Variants in NAALADL2 observed in about 807,000 individuals in gnomAD.
NAALADL2 encodes the protein N-acetylated alpha-linked acidic dipeptidase like 2.
In NAALADL2, 76 loss-of-function variants were observed where a neutral mutation model predicts 87.2. The observed-to-expected ratio is 0.87, with a 90% CI of 0.72 to 1.05. NAALADL2 has a LOEUF of 1.05. Among genes scored for constraint, NAALADL2 ranks in the 50% least tolerant of loss-of-function variants. NAALADL2 has a pLI of 0.00. For synonymous variants in NAALADL2, 354 were observed against 331.0 expected (o/e 1.07, Z -0.75); for missense variants, 1,089 against 945.8 (o/e 1.15, Z -1.99).
At chr3:175,084,586 A>G (rs1718505227) in intron 1 of NAALADL2, among the ~76,000 whole-genome samples, 3 of 152,178 alleles carry the variant, frequency 2.0e-5, no homozygotes, top group Admixed American at 2.0e-4. Context: ...CTGCTTAAGA[A>G]CCATCACATT....
rs150199958 is a variant in NAALADL2, at chr3:175,605,322, A to T, written c.1801-21969A>T. Among the ~76,000 whole-genome samples the T allele has an allele frequency of 7.3e-4, 111 of 152,260 alleles. 1 individual carries two copies. Among genetic ancestry groups the T allele is most frequent in the Non-Finnish European group, 1.4e-3 (95 of 68,024 alleles). ...TTTTAGTTAATGTTTGCTCAAATCTACATATGTTTTCTAAGCTTTTATTTC... is the reference window on the plus strand; with the variant it reads ...TTTTAGTTAATGTTTGCTCAAATCTTCATATGTTTTCTAAGCTTTTATTTC... On this transcript the variant is annotated intron_variant, in intron 10 of 13. Transcript: ENST00000454872.
intron 5 of NAALADL2, among the ~76,000 whole-genome samples, chr3:175,405,537 A>G (rs865920005): frequency 1.3e-5 from 2 of 152,142 alleles, no homozygotes; most frequent in Non-Finnish European, 2.9e-5. Context: ...AACTTTGCAG[A>G]CTTTCTTTTG....
intron 1 of NAALADL2, among the ~76,000 whole-genome samples, chr3:174,984,645 A>G (rs538961510): frequency 2.0e-5 from 3 of 151,538 alleles, no homozygotes; most frequent in African/African-American, 4.8e-5. Flanking sequence ...ATTGATATCA[A>G]TTTTTTTTTC....
rs369385138 is a variant in NAALADL2 at position 174,578,294 on chromosome 3, C to T, written c.-115+27657C>T. 2.6e-4 allele frequency among the ~76,000 whole-genome samples: 39 copies of T among 151,864 alleles called. No homozygotes were observed. The East Asian group carries it at 5.4e-3, about 21-fold the overall frequency. On this transcript the variant is annotated intron_variant, in intron 2 of 3. Coordinates refer to the NAALADL2 transcript ENST00000434257. Reference sequence around the variant, plus strand: ...ATCCACAAATTTTAGGAAAACAAAACACGATAAATATAAAGAATACCATAC... The same window carrying T: ...ATCCACAAATTTTAGGAAAACAAAATACGATAAATATAAAGAATACCATAC...
intron 1 of NAALADL2, among the ~76,000 whole-genome samples, chr3:174,537,916 A>G (rs1417765843): frequency 2.0e-5 from 3 of 152,186 alleles, no homozygotes; most frequent in Non-Finnish European, 4.4e-5. Flanking sequence ...TCACAGCTAT[A>G]TAAATGGAAT....
At chr3:175,423,053 T>TATA (rs1366026397) in intron 5 of NAALADL2, among the ~76,000 whole-genome samples, 16 of 95,596 alleles carry the variant, frequency 1.7e-4, no homozygotes, top group Admixed American at 1.1e-3. Flanking sequence ...ATATATATAT[T>TATA]TTTTTTTTTT....
intron 1 of NAALADL2, among the ~76,000 whole-genome samples, chr3:174,956,924 C>CT (rs1209279650): frequency 6.6e-6 from 1 of 151,950 alleles, no homozygotes; most frequent in Non-Finnish European, 1.5e-5. Context: ...GAACTTAAAC[C>CT]TTTTTTTCCT....
intron 1 of NAALADL2, among the ~76,000 whole-genome samples, chr3:174,885,430 CT>C (rs1729969342): frequency 6.6e-6 from 1 of 152,222 alleles, no homozygotes; most frequent in East Asian, 1.9e-4. Context: ...AACCAAGCAG[CT>C]TCATTATGTT....
intron 9 of NAALADL2, among the ~76,000 whole-genome samples, chr3:175,489,086 CT>C (rs1420525502): frequency 5.3e-5 from 8 of 152,202 alleles, no homozygotes; most frequent in African/African-American, 1.9e-4. Context: ...AAAGTGATTG[CT>C]TTTGTGGATA....
intron 12 of NAALADL2, among the ~76,000 whole-genome samples, chr3:175,743,425 C>A (rs1228075228): frequency 1.3e-5 from 2 of 152,166 alleles, no homozygotes; most frequent in Non-Finnish European, 2.9e-5. Flanking sequence ...TCCTGAACCC[C>A]ATCACAGGCA....
At chr3:174,874,534 T>C (rs1306377401) in intron 1 of NAALADL2, among the ~76,000 whole-genome samples, 1 of 152,038 alleles carries the variant, frequency 6.6e-6, no homozygotes, top group Non-Finnish European at 1.5e-5. Flanking sequence ...GAGTGACATG[T>C]CATGGCAAGT....
intron 1 of NAALADL2, among the ~76,000 whole-genome samples, chr3:174,990,863 T>C (rs1259763193): frequency 6.6e-6 from 1 of 152,118 alleles, no homozygotes; most frequent in Non-Finnish European, 1.5e-5. Flanking sequence ...TTGACCTCTC[T>C]ACAAGTGAAT....
At chr3:175,358,553 C>CTA (rs1427801937) in intron 5 of NAALADL2, among the ~76,000 whole-genome samples, 1 of 150,510 alleles carries the variant, frequency 6.6e-6, no homozygotes, top group African/African-American at 2.4e-5. Context: ...AGAGCTTGAG[C>CTA]TATTGTCTTT....
chr3:175,205,313 A>T (rs915722999), intron 2 of NAALADL2, among the ~76,000 whole-genome samples: 4 of 152,158 alleles, frequency 2.6e-5, no homozygotes, highest in African/African-American at 7.2e-5. Context: ...CAGCCAGCTG[A>T]TCTTTGATGA....
intron 5 of NAALADL2, among the ~76,000 whole-genome samples, chr3:175,347,484 G>A (rs1040893230): frequency 6.6e-6 from 1 of 152,066 alleles, no homozygotes; most frequent in Non-Finnish European, 1.5e-5. Flanking sequence ...GATTTGAAAG[G>A]AATATACTAC....
At chr3:175,789,865 A>AACTC (rs1396750995) in intron 13 of NAALADL2, among the ~76,000 whole-genome samples, 4 of 152,198 alleles carry the variant, frequency 2.6e-5, no homozygotes, top group African/African-American at 9.6e-5. Context: ...ACATCCATGA[A>AACTC]ACTCAAAGTT....
At chr3:174,753,477 T>A (rs1385504925) in intron 3 of NAALADL2, among the ~76,000 whole-genome samples, 1 of 152,256 alleles carries the variant, frequency 6.6e-6, no homozygotes, top group Non-Finnish European at 1.5e-5. Flanking sequence ...TTTAACTTCG[T>A]TTCCAAGTTT....
chr3:174,801,863 G>A (rs527733519), intron 3 of NAALADL2, among the ~76,000 whole-genome samples: 1 of 151,954 alleles, frequency 6.6e-6, no homozygotes, highest in South Asian at 2.1e-4. Flanking sequence ...AGCTTAAGAG[G>A]TCATGAAAAG....
intron 5 of NAALADL2, among the ~76,000 whole-genome samples, chr3:175,369,181 T>C (rs373011382): frequency 2.6e-5 from 4 of 152,316 alleles, no homozygotes; most frequent in African/African-American, 9.6e-5. Context: ...TGATTTGTTC[T>C]TGAGCAAAAT....
Sources: gnomAD v4.1 joint callset for allele counts (sites outside exome capture counted in the v4.1 genomes callset) on GRCh38, gnomAD v4.1.1 for gene constraint, MANE v1.5 for transcripts, NCBI Gene and HGNC (gene_info 2026-07-23, HGNC 2026-07-21) for gene names.